Variants in MYOM2 observed in about 807,000 individuals in gnomAD.
MYOM2 encodes myomesin 2.
A neutral mutation model predicts 187.6 loss-of-function variants in MYOM2; 254 were observed. The observed-to-expected ratio is 1.35, with a 90% CI of 1.22 to 1.50. The LOEUF (loss-of-function observed/expected upper bound fraction) is 1.50, where lower values mean the gene tolerates loss of function less well. Ranked by LOEUF, MYOM2 falls within the 40% of genes most tolerant of loss-of-function variation. The probability of loss-of-function intolerance (pLI) is 0.00; values close to 1 mark genes in which losing one functional copy is unlikely to be tolerated. For synonymous variants in MYOM2, 981 were observed against 753.8 expected (o/e 1.30, Z -4.94); for missense variants, 2,796 against 1,924.0 (o/e 1.45, Z -8.48).
chr8:2,085,119 C>A (rs1018832343), intron 13 of MYOM2, 144 bp from the exon 14 acceptor site: 1 of 913,548 alleles, frequency 1.1e-6, no homozygotes, highest in Non-Finnish European at 1.6e-6. Context: ...TCCAAGGAAG[C>A]ATCTTTGGGG....
chr8:2,132,392 T>C (rs557008752), intron 32 of MYOM2, among the ~76,000 whole-genome samples: 6 of 152,342 alleles, frequency 3.9e-5, no homozygotes, highest in African/African-American at 1.4e-4. Flanking sequence ...GTTAGAAACT[T>C]ATTCAGCGTG....
intron 15 of MYOM2, among the ~76,000 whole-genome samples, chr8:2,091,726 T>C (rs1796309485): frequency 6.6e-6 from 1 of 152,224 alleles, no homozygotes; most frequent in Non-Finnish European, 1.5e-5. Flanking sequence ...CCAGCTGTCT[T>C]TGAGCAAGGC....
Position 2,086,395 on chromosome 8 carries a change from T to TCA in MYOM2, c.1644+1005_1644+1006insCA, listed in dbSNP as rs1796058421. 2.3e-4 allele frequency among the ~76,000 whole-genome samples: 29 copies of TCA among 127,594 alleles called. 5 individuals carry two copies. The highest frequency in any genetic ancestry group is 4.5e-4 in the Admixed American group (6 of 13,286). 83.7% of individuals were successfully genotyped at this position (127,594 alleles called of 152,430 possible). On this transcript the variant is annotated intron_variant, in intron 14 of 36. Coordinates refer to ENST00000262113, the MANE Select transcript of MYOM2 (RefSeq NM_003970.4). ...GTGATCTCTGCGTGGCCTCCCACTG[T>TCA]TGTGATCTCTGCGTGGCCTCCCACT...
intron 17 of MYOM2, among the ~76,000 whole-genome samples, chr8:2,094,947 C>T (rs539304176): frequency 6.6e-6 from 1 of 152,218 alleles, no homozygotes; most frequent in Admixed American, 6.5e-5. Flanking sequence ...TGAAATGCAC[C>T]TCAGGAAGTC....
chr8:2,107,285 G>C (rs1364841483), intron 23 of MYOM2, among the ~76,000 whole-genome samples: 1 of 152,162 alleles, frequency 6.6e-6, no homozygotes, highest in Non-Finnish European at 1.5e-5. Context: ...GTGGTGCAGC[G>C]TGAACTCGTA....
intron 21 of MYOM2, among the ~76,000 whole-genome samples, chr8:2,105,696 A>G (rs925544660): frequency 6.6e-6 from 1 of 152,128 alleles, no homozygotes; most frequent in Non-Finnish European, 1.5e-5. Flanking sequence ...AATTAGCAAC[A>G]ACAAAACAAC....
intron 28 of MYOM2, among the ~76,000 whole-genome samples, chr8:2,120,675 T>TAAATA (rs1220891042): frequency 2.4e-5 from 1 of 41,432 alleles, no homozygotes; most frequent in Non-Finnish European, 5.2e-5. Context: ...TATATATATA[T>TAAATA]TATATTATAT....
At position 2,085,355 on chromosome 8, in the gene MYOM2, C is replaced by A. The variant is rs192237488; in HGVS notation, c.1609C>A (p.Arg537Ser). The change falls in exon 14 of 37, where the codon CGT (arginine) becomes AGT (serine). Residue 537 changes from arginine (R) to serine (S), a missense_variant. Arg to Ser is a moderately radical substitution (Grantham distance 110, BLOSUM62 -1). Coordinates refer to ENST00000262113, the MANE Select transcript of MYOM2 (RefSeq NM_003970.4). ...VVLSWEPPTP[R>S]GKDPLMYFIE... Reference sequence around the variant, plus strand: ...CCTCAGCTGGGAGCCACCCACTCCCCGTGGCAAGGACCCGCTCATGTACTT... The same window carrying A: ...CCTCAGCTGGGAGCCACCCACTCCCAGTGGCAAGGACCCGCTCATGTACTT... The A allele has an allele frequency of 6.2e-7, 1 of 1,613,996 alleles. No homozygotes were observed. Among genetic ancestry groups the A allele is most frequent in the South Asian group, 1.1e-5 (1 of 91,080 alleles).
chr8:2,073,243 C>T, intron 9 of MYOM2, 96 bp from the exon 10 acceptor site: 1 of 1,375,948 alleles, frequency 7.3e-7, no homozygotes. Context: ...GCTCGACTGT[C>T]CTGTCCCGCT....
chr8:2,050,067 C>G (rs1818432583), intron 1 of MYOM2, among the ~76,000 whole-genome samples: 1 of 152,166 alleles, frequency 6.6e-6, no homozygotes. Context: ...TCCACATCCC[C>G]CTTTGCATGG....
chr8:2,088,947 T>C (rs993936344), intron 14 of MYOM2, among the ~76,000 whole-genome samples: 1 of 152,222 alleles, frequency 6.6e-6, no homozygotes, highest in Non-Finnish European at 1.5e-5. Flanking sequence ...TATAGACACC[T>C]GGACTGCGCT....
chr8:2,137,271 C>T (rs1435099415), intron 32 of MYOM2, among the ~76,000 whole-genome samples: 1 of 152,104 alleles, frequency 6.6e-6, no homozygotes, highest in South Asian at 2.1e-4. Context: ...TGAGCTCACA[C>T]AGGGTGGCAG....
At chr8:2,056,263 G>C (rs973148398) in intron 3 of MYOM2, among the ~76,000 whole-genome samples, 1 of 152,188 alleles carries the variant, frequency 6.6e-6, no homozygotes, top group Non-Finnish European at 1.5e-5. Context: ...AGGAAGGATG[G>C]AGTTTTGATT....
At chr8:2,055,314 G>C (rs117639051) in intron 3 of MYOM2, among the ~76,000 whole-genome samples, 2,418 of 152,282 alleles carry the variant, frequency 0.016, 30 homozygotes, top group East Asian at 0.027. Flanking sequence ...GTATGAAAGA[G>C]ACCCACAGGG....
intron 3 of MYOM2, among the ~76,000 whole-genome samples, chr8:2,055,199 C>T (rs547091031): frequency 3.9e-5 from 6 of 152,164 alleles, no homozygotes; most frequent in African/African-American, 7.2e-5. Context: ...GGCATTTTCC[C>T]GCTTTGTTGG....
intron 21 of MYOM2, 99 bp from the exon 22 acceptor site, chr8:2,106,143 G>C: frequency 8.5e-7 from 1 of 1,173,614 alleles, no homozygotes; most frequent in East Asian, 2.3e-5. Flanking sequence ...GATGAGATTT[G>C]GGTGTGGACG....
chr8:2,060,275 T>G (rs1164452790), intron 6 of MYOM2, among the ~76,000 whole-genome samples: 5 of 152,272 alleles, frequency 3.3e-5, no homozygotes, highest in South Asian at 4.1e-4. Context: ...AAGGCCACAT[T>G]TACCATGTGA....
At position 2,057,400 on chromosome 8, in the gene MYOM2, A is replaced by T; in HGVS notation, c.316A>T (p.Ser106Cys). Residue 106 changes from serine (S) to cysteine (C), a missense_variant, in exon 4 of 37, where the codon AGC becomes TGC. Coordinates refer to ENST00000262113, the MANE Select transcript of MYOM2 (RefSeq NM_003970.4). ...TGAGGCCAAGCGACAGCGCTTCCTCAGCGAGCTGGCCCACTTGGAGGAGGA... is the reference window on the plus strand; with the variant it reads ...TGAGGCCAAGCGACAGCGCTTCCTCTGCGAGCTGGCCCACTTGGAGGAGGA... ...YGEAKRQRFLSELAHLEEDVH... is the reference protein window; with the variant it reads ...YGEAKRQRFLCELAHLEEDVH... The T allele has an allele frequency of 6.2e-7, 1 of 1,613,912 alleles. No individual in the cohort carries two copies. Among genetic ancestry groups the T allele is most frequent in the South Asian group, 1.1e-5 (1 of 91,016 alleles).
intron 32 of MYOM2, among the ~76,000 whole-genome samples, chr8:2,137,990 G>A (rs1023924014): frequency 2.0e-5 from 3 of 152,144 alleles, no homozygotes; most frequent in Admixed American, 2.0e-4. Context: ...TATGTTCTGT[G>A]CAAGGTTTTT....
Sources: gnomAD v4.1 joint callset for allele counts (sites outside exome capture counted in the v4.1 genomes callset) on GRCh38, gnomAD v4.1.1 for gene constraint, MANE v1.5 for transcripts, NCBI Gene and HGNC (gene_info 2026-07-23, HGNC 2026-07-21) for gene names.